The following AHI1 variants were observed in gnomAD, a reference collection of about 807,000 sequenced individuals.
The protein encoded by AHI1 is Abelson helper integration site 1, also known as jouberin.
A neutral mutation model predicts 149.3 loss-of-function variants in AHI1; 123 were observed. The ratio of observed to expected loss-of-function variants is 0.82; its 90% CI spans 0.71 to 0.96. The LOEUF is 0.96. AHI1 is among the 40% of genes least tolerant of loss of function. The pLI is 0.00. For missense variants in AHI1, 1,439 were observed against 1,422.7 expected, an observed-to-expected ratio of 1.01 and a Z score of -0.18; for synonymous variants, 475 against 459.8, an observed-to-expected ratio of 1.03 and a Z score of -0.42.
At chr6:135,476,699 C>G (rs1266922925) in intron 5 of AHI1, among the ~76,000 whole-genome samples, 1 of 152,062 alleles carries the variant, frequency 6.6e-6, no homozygotes, top group African/African-American at 2.4e-5. Flanking sequence ...TTGATACTGA[C>G]ACCTTTATCA....
At position 135,388,100 on chromosome 6, in the gene AHI1, TAAA is replaced by T. The variant is rs1287567426; in HGVS notation, c.3109+6673_3109+6675del. On this transcript the variant is annotated intron_variant, in intron 23 of 28. Coordinates refer to ENST00000265602, the MANE Select transcript of AHI1 (RefSeq NM_001134831.2). Reference sequence around the variant, plus strand: ...ACATTTTTGATTCTTTTTAGTACCATAAAAGACATTTAAGGGCATCTGCCTATA... The same window carrying T: ...ACATTTTTGATTCTTTTTAGTACCATAGACATTTAAGGGCATCTGCCTATA... 6 of 1,545,010 alleles carry T rather than the reference TAAA, an allele frequency of 3.9e-6. No homozygotes were observed. In the Admixed American group the frequency reaches 1.1e-4, roughly 28 times the overall value.
chr6:135,301,967 G>T lies in AHI1; in HGVS notation c.3427-1409C>A, dbSNP rs145505266. On this transcript the variant is annotated intron_variant, in intron 26 of 28. Coordinates refer to ENST00000265602, the MANE Select transcript of AHI1 (RefSeq NM_001134831.2). ...TGTGAAATAAATTCTAAACACAGCA[G>T]TCAAATTAAATGTGAAATGTTTTAT... 2.8e-5 allele frequency: 28 copies of T among 984,984 alleles called. No homozygotes were observed. The East Asian group carries it at 3.1e-3, about 108-fold the overall frequency. 61.0% of individuals were successfully genotyped at this position (984,984 alleles called of 1,614,324 possible).
chr6:135,382,018 A>T (rs1776836394), intron 23 of AHI1, among the ~76,000 whole-genome samples: 2 of 152,236 alleles, frequency 1.3e-5, no homozygotes, highest in African/African-American at 4.8e-5. Context: ...TCTTCTCAAA[A>T]AAAGGATGGA....
At chr6:135,302,860 G>C in intron 26 of AHI1, 1 of 1,255,178 alleles carries the variant, frequency 8.0e-7, no homozygotes, top group Non-Finnish European at 1.0e-6. Flanking sequence ...CAATCAGCCC[G>C]CAAATAACCC....
intron 26 of AHI1, among the ~76,000 whole-genome samples, chr6:135,317,656 T>A (rs1786175359): frequency 6.6e-6 from 1 of 152,158 alleles, no homozygotes; most frequent in African/African-American, 2.4e-5. Flanking sequence ...TAAGGGCAAG[T>A]GCCTTGCCTA....
chr6:135,286,342 A>G (rs1012235984), intron 28 of AHI1: 1 of 152,296 alleles, frequency 6.6e-6, no homozygotes, highest in Non-Finnish European at 1.5e-5. Flanking sequence ...TAGTGGGGCT[A>G]AACCTAACAT....
intron 5 of AHI1, among the ~76,000 whole-genome samples, chr6:135,475,142 C>T (rs1212664119): frequency 6.6e-6 from 1 of 152,074 alleles, no homozygotes; most frequent in Non-Finnish European, 1.5e-5. Flanking sequence ...GTAGTTTGTG[C>T]CCTTCATGTA....
chr6:135,333,444 C>T (rs1020835625), intron 24 of AHI1, among the ~76,000 whole-genome samples: 2 of 152,044 alleles, frequency 1.3e-5, no homozygotes, highest in Non-Finnish European at 2.9e-5. Flanking sequence ...ACCATTATAT[C>T]CAGGGACAAC....
chr6:135,463,340 A>G lies in AHI1; in HGVS notation c.750-34T>C, dbSNP rs765781545. 2.5e-5 allele frequency: 37 copies of G among 1,471,438 alleles called. No homozygotes were observed. The highest frequency in any genetic ancestry group is 4.1e-5 in the Admixed American group (2 of 48,710). The allele number at this position is 1,471,438 out of a possible 1,614,324, so 91.1% of individuals were successfully genotyped here. A position where few individuals can be genotyped will look rare whatever the true frequency, so the allele number is the denominator to read the frequency against. On this transcript the variant is annotated intron_variant, in intron 7 of 28. Transcript: ENST00000265602. ...ATAATCCAAGTATCAGCCATTACAGATATATTATCATTATAATTATTATTC... is the reference window on the plus strand; with the variant it reads ...ATAATCCAAGTATCAGCCATTACAGGTATATTATCATTATAATTATTATTC...
chr6:135,456,603 AC>A (rs908000144), intron 9 of AHI1, among the ~76,000 whole-genome samples: 1 of 152,044 alleles, frequency 6.6e-6, no homozygotes, highest in Non-Finnish European at 1.5e-5. Flanking sequence ...AAGACTGTAA[AC>A]CCTTTGAGTT....
At position 135,427,217 on chromosome 6, in the gene AHI1, C is replaced by T. The variant is rs199879855; in HGVS notation, c.2714G>A (p.Cys905Tyr). ...AATTGGCTCATTTTGCCCAAATGCA[C>T]AGAATGCAACCATATTTTCAAATGG... ...YHPFENMVAFCAFGQNEPILL... is the reference protein window; with the variant it reads ...YHPFENMVAFYAFGQNEPILL... Residue 905 changes from cysteine to tyrosine, a missense_variant, in exon 20 of 29, where the codon TGT becomes TAT. Transcript: ENST00000265602. The T allele has an allele frequency of 4.5e-5, 73 of 1,610,646 alleles. No homozygotes were observed. The highest frequency in any genetic ancestry group is 6.1e-5 in the Non-Finnish European group (72 of 1,177,804).
At chr6:135,312,405 T>G (rs1192313878) in intron 26 of AHI1, among the ~76,000 whole-genome samples, 1 of 152,024 alleles carries the variant, frequency 6.6e-6, no homozygotes, top group Non-Finnish European at 1.5e-5. Flanking sequence ...TCTCAGCTAC[T>G]TGGGAGGCTG....
chr6:135,290,913 A>AACACACACACACAC (rs574033007), intron 27 of AHI1, among the ~76,000 whole-genome samples: 2,804 of 146,190 alleles, frequency 0.019, 27 homozygotes, highest in Non-Finnish European at 0.025. Context: ...AACACACACA[A>AACACACACACACAC]ACACACACAC....
rs921935203 is a variant in AHI1 at position 135,387,798 on chromosome 6, T to C, written c.3109+6978A>G. The C allele has an allele frequency of 2.8e-5, 38 of 1,345,506 alleles. No individual in the cohort carries two copies. In the African/African-American group the frequency reaches 4.3e-4, roughly 15 times the overall value. The allele number at this position is 1,345,506 out of a possible 1,614,324, so 83.3% of individuals were successfully genotyped here. ...AAAGCCTCCCATAACCTCATACTGTTTATTCTCCCAATATTTTATGAGTTT... is the reference window on the plus strand; with the variant it reads ...AAAGCCTCCCATAACCTCATACTGTCTATTCTCCCAATATTTTATGAGTTT... On this transcript the variant is annotated intron_variant, in intron 23 of 28. Transcript: ENST00000265602.
rs561403177 is a variant in AHI1, at chr6:135,410,165, G to A, written c.2961+1183C>T. Among the ~76,000 whole-genome samples, 11 of 152,200 alleles carry A rather than the reference G, an allele frequency of 7.2e-5. No individual in the cohort carries two copies. In the East Asian group the frequency reaches 2.1e-3, roughly 29 times the overall value. ...GCTGACTGCTTGAGGCTAGGAGTTG[G>A]AGACCAGCCTGGGCTACATACCAAG... On this transcript the variant is annotated intron_variant, in intron 21 of 28. Coordinates refer to ENST00000265602, the MANE Select transcript of AHI1 (RefSeq NM_001134831.2).
chr6:135,348,836 A>G (rs1220062569), intron 24 of AHI1, among the ~76,000 whole-genome samples: 1 of 152,198 alleles, frequency 6.6e-6, no homozygotes, highest in Non-Finnish European at 1.5e-5. Context: ...GTAATAGCTA[A>G]TGGCCGAGAG....
At chr6:135,472,691 TAG>T (rs1791937609) in intron 5 of AHI1, among the ~76,000 whole-genome samples, 2 of 152,334 alleles carry the variant, frequency 1.3e-5, no homozygotes, top group African/African-American at 4.8e-5. Flanking sequence ...GCTGTTGTAT[TAG>T]GTGTGCAATA....
At chr6:135,422,563 T>C (rs1422551986) in intron 20 of AHI1, among the ~76,000 whole-genome samples, 1 of 152,108 alleles carries the variant, frequency 6.6e-6, no homozygotes, top group African/African-American at 2.4e-5. Flanking sequence ...TTAAACTATA[T>C]TGAGAACATA....
intron 23 of AHI1, among the ~76,000 whole-genome samples, chr6:135,360,197 T>C (rs1179615461): frequency 6.6e-6 from 1 of 152,308 alleles, no homozygotes; most frequent in South Asian, 2.1e-4. Flanking sequence ...ATAACAATAA[T>C]TGAAAGCTCA....
Sources: allele counts gnomAD v4.1 joint callset (sites outside exome capture counted in the v4.1 genomes callset), GRCh38; gene constraint gnomAD v4.1.1; transcripts MANE v1.5; gene names NCBI Gene and HGNC (gene_info 2026-07-23, HGNC 2026-07-21).